The following RBFA variants were observed in gnomAD, a reference collection of about 807,000 sequenced individuals.
RBFA encodes the protein putative ribosome-binding factor A, mitochondrial.
A neutral mutation model predicts 27.9 loss-of-function variants in RBFA; 16 were observed. The ratio of observed to expected loss-of-function variants is 0.57; its 90% CI spans 0.39 to 0.87. The LOEUF (loss-of-function observed/expected upper bound fraction) is 0.87, where lower values mean the gene tolerates loss of function less well. RBFA is among the 40% of genes least tolerant of loss of function. RBFA has a pLI of 0.00. For synonymous variants in RBFA, 181 were observed against 181.0 expected (o/e 1.00, Z 0.00); for missense variants, 456 against 432.1 (o/e 1.06, Z -0.49).
intron 5 of RBFA, among the ~76,000 whole-genome samples, chr18:80,042,550 C>T (rs553631856): frequency 2.6e-5 from 4 of 152,158 alleles, no homozygotes; most frequent in African/African-American, 7.2e-5. Context: ...GCAGGTGGAT[C>T]ACAAGGTCAG....
chr18:80,034,767 T>TC, intron 1 of RBFA, 114 bp downstream of exon 1: 1 of 1,347,166 alleles, frequency 7.4e-7, no homozygotes, highest in Non-Finnish European at 1.0e-6. Flanking sequence ...GCTCGCCAGT[T>TC]CCTGCCTCCT....
chr18:80,037,348 T>C lies in RBFA; in HGVS notation c.220T>C (p.Leu74=), dbSNP rs1245625839. 2 of 1,613,774 alleles carry C rather than the reference T, an allele frequency of 1.2e-6. No homozygotes were observed. The highest frequency in any genetic ancestry group is 1.7e-6 in the Non-Finnish European group (2 of 1,179,970). ...GATGGAGACTTACAAACCATCCAAG[T>C]TGGAATTCCTCATGAGGAGCACCTC... ...GSHSTYKPSK[L]EFLMRSTSKK... The change falls in exon 3 of 7, where the codon TTG becomes CTG. Residue 74 remains leucine, a synonymous_variant. Coordinates refer to ENST00000306735, the MANE Select transcript of RBFA (RefSeq NM_024805.3).
At chr18:80,038,368 G>A in intron 3 of RBFA, 137 bp from the exon 4 acceptor site, 1 of 614,136 alleles carries the variant, frequency 1.6e-6, no homozygotes, top group Non-Finnish European at 2.9e-6. Flanking sequence ...GCAGCAGGAG[G>A]TGGCCTCCAG....
At chr18:80,042,058 C>T (rs560097217) in intron 4 of RBFA, 77 bp from the exon 5 acceptor site, 18 of 1,083,046 alleles carry the variant, frequency 1.7e-5, no homozygotes, top group Non-Finnish European at 2.4e-5. Context: ...CATCTTGAAT[C>T]ATATGTTCAG....
chr18:80,045,782 AT>A lies in RBFA; in HGVS notation c.660del (p.Asp220GlufsTer52), dbSNP rs754687004. On this transcript the variant is annotated frameshift_variant, in exon 7 of 7. Coordinates refer to ENST00000306735, the MANE Select transcript of RBFA (RefSeq NM_024805.3). LOFTEE classifies it low-confidence loss of function (END_TRUNC). ...NFVQNDFRDP[D>X]APQPCGTTEP... ...CTCTTCTTCCTTCCCAGGGACCCTG[AT>A]GCCCCACAACCCTGCGGCACCACAG... The A allele has an allele frequency of 6.6e-7, 1 of 1,511,584 alleles. No individual in the cohort carries two copies. The highest frequency in any genetic ancestry group is 2.3e-5 in the Admixed American group (1 of 44,024). The allele number at this position is 1,511,584 out of a possible 1,614,324, so 93.6% of individuals were successfully genotyped here. A position where few individuals can be genotyped will look rare whatever the true frequency, so the allele number is the denominator to read the frequency against.
rs896385464 is a variant in RBFA, at chr18:80,049,174, G to A, written c.*3019G>A. On this transcript the variant is annotated 3_prime_UTR_variant, in exon 7 of 7. Coordinates refer to ENST00000306735, the MANE Select transcript of RBFA (RefSeq NM_024805.3). ...ATTTCCGCGGCCTTCCCTGGGAGCGGGTTAGGGACACGGAAGCTCACCCCC... is the reference window on the plus strand; with the variant it reads ...ATTTCCGCGGCCTTCCCTGGGAGCGAGTTAGGGACACGGAAGCTCACCCCC... 1.0e-4 allele frequency among the ~76,000 whole-genome samples: 15 copies of A among 148,004 alleles called. No individual in the cohort carries two copies. Among genetic ancestry groups the A allele is most frequent in the African/African-American group, 3.5e-4 (14 of 39,824 alleles).
intron 5 of RBFA, among the ~76,000 whole-genome samples, chr18:80,043,572 G>A (rs2052030858): frequency 6.6e-6 from 1 of 152,210 alleles, no homozygotes; most frequent in African/African-American, 2.4e-5. Flanking sequence ...GTCCCATCAG[G>A]TGGTGTGGGT....
Position 80,050,045 on chromosome 18 carries a change from C to T in RBFA, c.*3890C>T, listed in dbSNP as rs1021808128. Among the ~76,000 whole-genome samples, 3 of 152,222 alleles carry T rather than the reference C, an allele frequency of 2.0e-5. No homozygotes were observed. The highest frequency in any genetic ancestry group is 4.4e-5 in the Non-Finnish European group (3 of 68,044). ...AGACCCTCTCTTAGGAATAGAAGTACAGTTTTCTTCCCCACTCCTTTTGTC... is the reference window on the plus strand; with the variant it reads ...AGACCCTCTCTTAGGAATAGAAGTATAGTTTTCTTCCCCACTCCTTTTGTC... On this transcript the variant is annotated 3_prime_UTR_variant, in exon 7 of 7. Transcript: ENST00000306735.
At chr18:80,034,845 G>T in intron 1 of RBFA, 192 bp downstream of exon 1, 1 of 580,256 alleles carries the variant, frequency 1.7e-6, no homozygotes, top group Non-Finnish European at 2.9e-6. Flanking sequence ...ACGTGTGTCG[G>T]GTTAAGAAAA....
chr18:80,037,258 C>G, intron 2 of RBFA, 72 bp from the exon 3 acceptor site: 1 of 1,368,684 alleles, frequency 7.3e-7, no homozygotes, highest in Non-Finnish European at 1.0e-6. Flanking sequence ...CCTCCCCCAG[C>G]CCCTGCTGTG....
intron 1 of RBFA, 79 bp downstream of exon 1, chr18:80,034,732 C>T: frequency 6.4e-7 from 1 of 1,562,344 alleles, no homozygotes; most frequent in Non-Finnish European, 8.7e-7. Flanking sequence ...TCCGCTCATC[C>T]GCGTTCTTGC....
rs775892834 is a variant in RBFA at position 80,034,675 on chromosome 18, C to A, written c.158+22C>A. The A allele has an allele frequency of 3.7e-6, 6 of 1,606,136 alleles. No individual in the cohort carries two copies. The East Asian group carries it at 6.8e-5, about 18-fold the overall frequency. Reference sequence around the variant, plus strand: ...CCAAGTAATGCGGCGGGGGCGGTGTCCCTGGGCGCGGTATTCCCTAGGGGG... The same window carrying A: ...CCAAGTAATGCGGCGGGGGCGGTGTACCTGGGCGCGGTATTCCCTAGGGGG... On this transcript the variant is annotated intron_variant, in intron 1 of 6. Coordinates refer to ENST00000306735, the MANE Select transcript of RBFA (RefSeq NM_024805.3).
chr18:80,043,819 T>C (rs6506795), intron 5 of RBFA, among the ~76,000 whole-genome samples: 145,802 of 152,270 alleles, frequency 0.96, 70,137 homozygotes, highest in East Asian at 1. Context: ...CCTTGTCTTG[T>C]TGGGAGGCTT....
chr18:80,038,365 G>T, intron 3 of RBFA, 140 bp from the exon 4 acceptor site: 1 of 609,862 alleles, frequency 1.6e-6, no homozygotes, highest in South Asian at 2.0e-5. Flanking sequence ...GCGGCAGCAG[G>T]AGGTGGCCTC....
intron 6 of RBFA, 147 bp downstream of exon 6, chr18:80,044,432 T>C: frequency 1.3e-6 from 1 of 743,534 alleles, no homozygotes; most frequent in Non-Finnish European, 2.3e-6. Flanking sequence ...CAATCCACAT[T>C]CACAGGCCTG....
At position 80,034,452 on chromosome 18, in the gene RBFA, G is replaced by T. The variant is rs1181448539; in HGVS notation, c.-44G>T. The T allele has an allele frequency of 7.0e-7, 1 of 1,438,444 alleles. No homozygotes were observed. Among genetic ancestry groups the T allele is most frequent in the Non-Finnish European group, 9.1e-7 (1 of 1,102,834 alleles). The allele number at this position is 1,438,444 out of a possible 1,614,324, so 89.1% of individuals were successfully genotyped here. On this transcript the variant is annotated 5_prime_UTR_variant, in exon 1 of 7. Transcript: ENST00000306735. ...TCGCGTCAGTTGTCGCTCCGCGCCT[G>T]CGCCCGTTGTCTCCCTGCTCGCTCC...
rs1298145966 is a variant in RBFA, at chr18:80,038,571, A to C, written c.445A>C (p.Asn149His). ...YWKTTLSAEQNAHMEAVLQRS... is the reference protein window; with the variant it reads ...YWKTTLSAEQHAHMEAVLQRS... ...GAAGACAACGCTCTCTGCTGAGCAG[A>C]ACGCACACATGGAGGCTGTCCTGCA... The change falls in exon 4 of 7, where the codon AAC becomes CAC. Residue 149 changes from asparagine (N) to histidine (H), a missense_variant. Transcript: ENST00000306735. The C allele has an allele frequency of 1.2e-6, 2 of 1,614,028 alleles. No homozygotes were observed. The highest frequency in any genetic ancestry group is 1.7e-6 in the Non-Finnish European group (2 of 1,179,990).
At chr18:80,044,740 T>C (rs2052039242) in intron 6 of RBFA, among the ~76,000 whole-genome samples, 3 of 152,352 alleles carry the variant, frequency 2.0e-5, no homozygotes, top group East Asian at 3.9e-4. Flanking sequence ...AAGTTTGGCC[T>C]GTGCATGTAC....
intron 5 of RBFA, among the ~76,000 whole-genome samples, chr18:80,042,854 TCCTGTGCC>T (rs931981756): frequency 4.6e-5 from 7 of 152,090 alleles, no homozygotes; most frequent in Non-Finnish European, 8.8e-5. Context: ...TGTCCCTTTC[TCCTGTGCC>T]CCTGTTCCCA....
Sources: gnomAD v4.1 joint callset for allele counts (sites outside exome capture counted in the v4.1 genomes callset) on GRCh38, gnomAD v4.1.1 for gene constraint, MANE v1.5 for transcripts, NCBI Gene and HGNC (gene_info 2026-07-23, HGNC 2026-07-21) for gene names.